Variants in PI4K2A observed in about 807,000 individuals in gnomAD.
PI4K2A encodes phosphatidylinositol 4-kinase type 2 alpha, also known as phosphatidylinositol 4-kinase type 2-alpha.
Under a neutral mutation model 55.0 loss-of-function variants are expected in PI4K2A, and 20 were observed. That is an observed-to-expected ratio of 0.36 (90% CI 0.26 to 0.53). PI4K2A has a LOEUF of 0.53. Ranked by LOEUF, PI4K2A falls within the 20% of genes least tolerant of loss-of-function variation. The pLI, the probability that PI4K2A is intolerant of heterozygous loss-of-function variation, is 0.91. For missense variants in PI4K2A, 463 were observed against 637.1 expected, an observed-to-expected ratio of 0.73 and a Z score of 2.94; for synonymous variants, 235 against 258.5, an observed-to-expected ratio of 0.91 and a Z score of 0.87.
chr10:97,641,250 A>T (rs965883677), intron 1 of PI4K2A, 73 bp downstream of exon 1: 4 of 1,131,782 alleles, frequency 3.5e-6, no homozygotes, highest in Admixed American at 2.4e-5. Flanking sequence ...GGGGCTTCGC[A>T]CAGCCAGAGG....
chr10:97,667,378 T>G (rs2041615106), intron 8 of PI4K2A, among the ~76,000 whole-genome samples: 1 of 152,016 alleles, frequency 6.6e-6, no homozygotes, highest in African/African-American at 2.4e-5. Context: ...CCCGGCTAAT[T>G]TTTGCATTTT....
intron 8 of PI4K2A, among the ~76,000 whole-genome samples, chr10:97,673,040 G>T (rs2041644445): frequency 6.6e-6 from 1 of 151,380 alleles, no homozygotes; most frequent in Admixed American, 6.6e-5. Flanking sequence ...AGGCTGGAGT[G>T]CAGTGGCACG....
At chr10:97,659,197 C>A (rs1358487571) in intron 4 of PI4K2A, among the ~76,000 whole-genome samples, 1 of 151,328 alleles carries the variant, frequency 6.6e-6, no homozygotes, top group African/African-American at 2.5e-5. Context: ...CCACGCCTGG[C>A]TAGTTTTTAA....
exon 2 of PI4K2A, chr10:97,651,047 G>A (rs1050444872): frequency 1.9e-6 from 3 of 1,614,088 alleles, no homozygotes; most frequent in African/African-American, 1.3e-5. Flanking sequence ...TGCTTTGGCC[G>A]TGACTGCCTT....
At chr10:97,666,957 C>T (rs1222997149) in intron 7 of PI4K2A, 104 bp from the exon 8 acceptor site, 1 of 817,398 alleles carries the variant, frequency 1.2e-6, no homozygotes, top group African/African-American at 1.7e-5. Flanking sequence ...GCTGCAGAAG[C>T]CTTATGCAGG....
At chr10:97,661,281 G>A (rs907039789) in intron 4 of PI4K2A, among the ~76,000 whole-genome samples, 6 of 151,956 alleles carry the variant, frequency 3.9e-5, no homozygotes, top group East Asian at 1.9e-4. Context: ...GTGAGCCACC[G>A]CGCCCGGCCA....
Position 97,656,724 on chromosome 10 carries a change from A to G in PI4K2A, c.769-97A>G, listed in dbSNP as rs1049259262. On this transcript the variant is annotated intron_variant, in intron 3 of 8. Coordinates refer to ENST00000370631, the Ensembl canonical transcript of PI4K2A. The surrounding 1 kb of genome is among the most constrained non-coding windows in gnomAD (Gnocchi z 4.5). ...TGAAAAGTTTTCCTTCTCTGATACA[A>G]ACTCCATAGGGCCTTAATGGGTATC... is the stretch of plus-strand genomic sequence containing the variant. 22 of 1,107,484 alleles carry G rather than the reference A, an allele frequency of 2.0e-5. No individual in the cohort carries two copies. The Admixed American group carries it at 4.6e-4, about 23-fold the overall frequency. The allele number at this position is 1,107,484 out of a possible 1,614,324, so 68.6% of individuals were successfully genotyped here. A position where few individuals can be genotyped will look rare whatever the true frequency, so the allele number is the denominator to read the frequency against.
At chr10:97,648,524 T>C (rs920796300) in intron 1 of PI4K2A, among the ~76,000 whole-genome samples, 2 of 152,234 alleles carry the variant, frequency 1.3e-5, no homozygotes, top group African/African-American at 4.8e-5. Flanking sequence ...TTTCTGTCTT[T>C]AAGTAGAAGT....
intron 1 of PI4K2A, 108 bp downstream of exon 1, chr10:97,641,285 C>A: frequency 1.3e-6 from 1 of 768,024 alleles, no homozygotes; most frequent in Non-Finnish European, 2.1e-6. Context: ...TTCACAGTAC[C>A]AGCCCCTGGC....
intron 1 of PI4K2A, among the ~76,000 whole-genome samples, chr10:97,642,866 TTTCTTTCTTTCTTTCTTTCTTC>T (rs1471877196): frequency 2.1e-4 from 1 of 4,676 alleles, no homozygotes; most frequent in African/African-American, 7.4e-4. Context: ...TTTCTTTCTT[TTTCTTTCTTTCTTTCTTTCTTC>T]CTTCCTTCCT....
At chr10:97,662,103 C>G (rs892564156) in intron 4 of PI4K2A, among the ~76,000 whole-genome samples, 13 of 152,098 alleles carry the variant, frequency 8.5e-5, no homozygotes, top group African/African-American at 2.9e-4. Flanking sequence ...GATTCTCTGC[C>G]TCCTCAGCCT....
intron 8 of PI4K2A, among the ~76,000 whole-genome samples, chr10:97,668,157 G>A (rs907547776): frequency 1.3e-5 from 2 of 152,098 alleles, no homozygotes; most frequent in African/African-American, 4.8e-5. Flanking sequence ...GTGGTTAAGG[G>A]TGCAAACTGT....
chr10:97,672,418 T>C (rs2041640641), intron 8 of PI4K2A, among the ~76,000 whole-genome samples: 1 of 152,158 alleles, frequency 6.6e-6, no homozygotes, highest in South Asian at 2.1e-4. Context: ...TATAGTTAGA[T>C]AGAAAGATAG....
intron 1 of PI4K2A, among the ~76,000 whole-genome samples, chr10:97,645,025 A>C (rs1051435003): frequency 1.3e-5 from 2 of 152,092 alleles, no homozygotes; most frequent in Non-Finnish European, 2.9e-5. Flanking sequence ...GAGTATACAC[A>C]TACCCCCCTC....
intron 8 of PI4K2A, among the ~76,000 whole-genome samples, chr10:97,670,073 A>AT (rs554616539): frequency 6.6e-6 from 1 of 151,550 alleles, no homozygotes; most frequent in Non-Finnish European, 1.5e-5. Context: ...TTTCTGGGTA[A>AT]TTTTTTTTAA....
At chr10:97,648,092 A>ATTTTTTTTTTTTTT (rs11332690) in intron 1 of PI4K2A, among the ~76,000 whole-genome samples, 17 of 120,644 alleles carry the variant, frequency 1.4e-4, no homozygotes, top group South Asian at 2.7e-4. Flanking sequence ...CACTTAGCTA[A>ATTTTTTTTTTTTTT]TTTTTTTTTT....
intron 2 of PI4K2A, among the ~76,000 whole-genome samples, chr10:97,651,583 A>G (rs896084541): frequency 1.3e-5 from 2 of 152,186 alleles, no homozygotes; most frequent in Non-Finnish European, 2.9e-5. Context: ...GGTTAGAACA[A>G]TGGTCTGGCC....
At chr10:97,654,026 A>G (rs2041541363) in intron 2 of PI4K2A, among the ~76,000 whole-genome samples, 1 of 152,176 alleles carries the variant, frequency 6.6e-6, no homozygotes, top group Admixed American at 6.5e-5. Context: ...TGTCTCCCCA[A>G]CTCTTGTGAC....
chr10:97,667,534 G>A (rs937591559), intron 8 of PI4K2A, among the ~76,000 whole-genome samples: 6 of 152,138 alleles, frequency 3.9e-5, no homozygotes, highest in Admixed American at 3.3e-4. Flanking sequence ...TTTTAAGTCC[G>A]TTGTGTACAT....
Sources: allele counts gnomAD v4.1 joint callset (sites outside exome capture counted in the v4.1 genomes callset), GRCh38; gene constraint gnomAD v4.1.1; non-coding constraint Gnocchi (gnomAD v3.1); transcripts MANE v1.5; gene names NCBI Gene and HGNC (gene_info 2026-07-23, HGNC 2026-07-21).